Variants in L2HGDH observed in about 807,000 individuals in gnomAD.
L2HGDH encodes L-2-hydroxyglutarate dehydrogenase, also known as L-2-hydroxyglutarate dehydrogenase, mitochondrial.
L2HGDH carries 34 observed loss-of-function variants against 51.5 expected under a neutral mutation model. The ratio of observed to expected loss-of-function variants is 0.66; its 90% CI spans 0.50 to 0.88. The LOEUF is 0.88. Ranked by LOEUF, L2HGDH falls within the 40% of genes least tolerant of loss-of-function variation. The probability of loss-of-function intolerance (pLI) is 0.00; values close to 1 mark genes in which losing one functional copy is unlikely to be tolerated. For missense variants in L2HGDH, 558 were observed against 571.9 expected (o/e 0.98, Z 0.25); for synonymous variants, 198 against 197.9 (o/e 1.00, Z -0.01).
chr14:50,302,733 A>T lies in L2HGDH; in HGVS notation c.256+169T>A, dbSNP rs144115246. ...TATAGACACGTCCTCCTTGTCCCAC[A>T]CTCGGCTTTAACCTCTCAAATAACC... On this transcript the variant is annotated intron_variant, in intron 2 of 9. Coordinates refer to ENST00000267436, the MANE Select transcript of L2HGDH (RefSeq NM_024884.3). Among the ~76,000 whole-genome samples the T allele has an allele frequency of 1.6e-3, 238 of 152,126 alleles. 1 individual carries two copies. Among genetic ancestry groups the T allele is most frequent in the African/African-American group, 5.3e-3 (218 of 41,486 alleles).
chr14:50,274,711 G>A (rs921088109), intron 6 of L2HGDH, among the ~76,000 whole-genome samples: 1 of 152,096 alleles, frequency 6.6e-6, no homozygotes, highest in Non-Finnish European at 1.5e-5. Flanking sequence ...CAAGACATGA[G>A]AACAACGTTA....
intron 1 of L2HGDH, among the ~76,000 whole-genome samples, chr14:50,304,448 A>T (rs2030608796): frequency 6.6e-6 from 1 of 152,132 alleles, no homozygotes; most frequent in Non-Finnish European, 1.5e-5. Flanking sequence ...GAAGTAAACA[A>T]CTCCGAGAAA....
At chr14:50,296,593 T>TAAA (rs113103736) in intron 3 of L2HGDH, among the ~76,000 whole-genome samples, 1,299 of 117,442 alleles carry the variant, frequency 0.011, 11 homozygotes, top group Non-Finnish European at 0.018. Context: ...CTTCCCACAT[T>TAAA]AAAAAAAAAA....
rs1407655711 is a variant in L2HGDH, at chr14:50,312,226, T to G, written c.-76A>C. The G allele has an allele frequency of 1.9e-6, 3 of 1,571,412 alleles. No individual in the cohort carries two copies. In the South Asian group the frequency reaches 3.4e-5, roughly 18 times the overall value. The stretch of plus-strand genomic sequence containing the variant: ...TCCACGGCCGAGGACCCGCGCTCTT[T>G]AGCCCCGCCCCTCACGCGGGGGCCA... On this transcript the variant is annotated 5_prime_UTR_variant, in exon 1 of 10. Transcript: ENST00000267436.
Position 50,312,193 on chromosome 14 carries a change from C to A in L2HGDH, c.-43G>T. On this transcript the variant is annotated 5_prime_UTR_variant, in exon 1 of 10. Coordinates refer to ENST00000267436, the MANE Select transcript of L2HGDH (RefSeq NM_024884.3). ...CTCCCTCAGCGCTCAGAAGAAGCCA[C>A]TTGACCCTCCACGGCCGAGGACCCG... is the stretch of plus-strand genomic sequence containing the variant. 1.2e-6 allele frequency: 2 copies of A among 1,604,640 alleles called. No homozygotes were observed. The highest frequency in any genetic ancestry group is 1.7e-6 in the Non-Finnish European group (2 of 1,178,312).
In L2HGDH at chr14:50,293,289, TG is replaced by T. The variant is rs1183300707; in HGVS notation, c.540+825del. The T allele has an allele frequency of 8.5e-6, 6 of 702,092 alleles. No homozygotes were observed. In the African/African-American group the frequency reaches 8.7e-5, roughly 10 times the overall value. 43.5% of individuals were successfully genotyped at this position (702,092 alleles called of 1,614,324 possible). A position where few individuals can be genotyped will look rare whatever the true frequency, so the allele number is the denominator to read the frequency against. Reference sequence around the variant, plus strand: ...ATGCTGACACAACTGGATATCTGTTTGGGGAAAAAATACACCTTGACCCCTA... The same window carrying T: ...ATGCTGACACAACTGGATATCTGTTTGGGAAAAAATACACCTTGACCCCTA... On this transcript the variant is annotated intron_variant, in intron 4 of 9. Coordinates refer to ENST00000267436, the MANE Select transcript of L2HGDH (RefSeq NM_024884.3).
chr14:50,242,459 G>T lies in L2HGDH; in HGVS notation c.*4599C>A. On this transcript the variant is annotated 3_prime_UTR_variant, in exon 10 of 10. Transcript: ENST00000267436. ...TTAAAATAAGATAACTTTAATGTGA[G>T]ATCCTTCCCATAAGCAGAAAATACA... is the stretch of plus-strand genomic sequence containing the variant. 1.0e-6 allele frequency: 1 copy of T among 982,754 alleles called. No homozygotes were observed. Among genetic ancestry groups the T allele is most frequent in the Non-Finnish European group, 1.2e-6 (1 of 827,508 alleles). 60.9% of individuals were successfully genotyped at this position (982,754 alleles called of 1,614,324 possible).
In L2HGDH at chr14:50,244,427, G is replaced by A. The variant is rs1887916635; in HGVS notation, c.*2631C>T. ...GGACAATCATTTTTTGTAATTCAAT[G>A]TTTACAACTTAGTATGTATGCAATC... On this transcript the variant is annotated 3_prime_UTR_variant, in exon 10 of 10. Transcript: ENST00000267436. The A allele has an allele frequency of 1.0e-6, 1 of 985,036 alleles. No homozygotes were observed. Among genetic ancestry groups the A allele is most frequent in the South Asian group, 4.7e-5 (1 of 21,280 alleles). 61.0% of individuals were successfully genotyped at this position (985,036 alleles called of 1,614,324 possible). A position where few individuals can be genotyped will look rare whatever the true frequency, so the allele number is the denominator to read the frequency against.
rs1273518496 is a variant in L2HGDH, at chr14:50,267,785, A to C, written c.1032T>G (p.Ser344Arg). 4 of 1,612,786 alleles carry C rather than the reference A, an allele frequency of 2.5e-6. No homozygotes were observed. The highest frequency in any genetic ancestry group is 1.7e-5 in the Admixed American group (1 of 60,012). Reference sequence around the variant, plus strand: ...TAATTATATCCATAACATCTGTGGCACTGAAGTCAAAGGGTCTGTAACCCT... The same window carrying C: ...TAATTATATCCATAACATCTGTGGCCCTGAAGTCAAAGGGTCTGTAACCCT... Reference protein sequence around the residue: ...KREGYRPFDFSATDVMDIIIN... With the variant: ...KREGYRPFDFRATDVMDIIIN... The change falls in exon 8 of 10, where the codon AGT (serine) becomes AGG (arginine). Residue 344 changes from serine (S) to arginine (R), a missense_variant. By Grantham distance (110) the Ser-to-Arg change is moderately radical. Around this residue, in one of 3 missense-constraint regions of L2HGDH, gnomAD observed 321 missense variants for 311.8 expected, o/e 1.03. Transcript: ENST00000267436.
At chr14:50,269,432 AT>A in intron 6 of L2HGDH, 102 bp from the exon 7 acceptor site, 2 of 1,170,336 alleles carry the variant, frequency 1.7e-6, no homozygotes, top group Non-Finnish European at 2.5e-6. Flanking sequence ...CAGAAATAGA[AT>A]TTTTTCTAAA....
intron 2 of L2HGDH, among the ~76,000 whole-genome samples, chr14:50,302,565 C>T (rs967567090): frequency 6.6e-6 from 1 of 152,212 alleles, no homozygotes; most frequent in Non-Finnish European, 1.5e-5. Context: ...CTGGGAAATA[C>T]TACATTGCTC....
chr14:50,293,788 C>A (rs567021336), intron 4 of L2HGDH, among the ~76,000 whole-genome samples: 4 of 152,290 alleles, frequency 2.6e-5, no homozygotes, highest in Non-Finnish European at 5.9e-5. Flanking sequence ...GTGGGCCTAA[C>A]CCTGCCTTTT....
In L2HGDH at chr14:50,266,530, C is replaced by T. The variant is rs368685748; in HGVS notation, c.1065-1041G>A. On this transcript the variant is annotated intron_variant, in intron 8 of 9. Coordinates refer to ENST00000267436, the MANE Select transcript of L2HGDH (RefSeq NM_024884.3). Reference sequence around the variant, plus strand: ...TGGTAGCATCTGCCTGTAGTTCCAGCTACTTGGAGGCTGAAGTGGGAGAAC... The same window carrying T: ...TGGTAGCATCTGCCTGTAGTTCCAGTTACTTGGAGGCTGAAGTGGGAGAAC... 3.9e-4 allele frequency among the ~76,000 whole-genome samples: 59 copies of T among 152,254 alleles called. No individual in the cohort carries two copies. In the East Asian group the frequency reaches 8.5e-3, roughly 22 times the overall value.
chr14:50,285,196 G>A (rs959494934), intron 4 of L2HGDH, among the ~76,000 whole-genome samples: 5 of 152,170 alleles, frequency 3.3e-5, no homozygotes, highest in East Asian at 1.9e-4. Flanking sequence ...GCAGTGAGCC[G>A]AGATGATGCC....
chr14:50,311,945 TCCA>T (rs2031233309), intron 1 of L2HGDH, 63 bp downstream of exon 1: 1 of 1,530,954 alleles, frequency 6.5e-7, no homozygotes, highest in Admixed American at 2.0e-5. Context: ...GGGGCACAGG[TCCA>T]CCACCAGGTG....
At chr14:50,256,498 C>T (rs1055306861) in intron 9 of L2HGDH, among the ~76,000 whole-genome samples, 1 of 145,164 alleles carries the variant, frequency 6.9e-6, no homozygotes, top group Admixed American at 7.0e-5. Flanking sequence ...GCCTGGGTGA[C>T]AGGGCGAGAG....
In L2HGDH at chr14:50,245,187, T is replaced by G; in HGVS notation, c.*1871A>C. Reference sequence around the variant, plus strand: ...TCCCTATACAAGTTTATAGGAGCCCTGAAAAATCAAGTACGTATGAATCAT... The same window carrying G: ...TCCCTATACAAGTTTATAGGAGCCCGGAAAAATCAAGTACGTATGAATCAT... On this transcript the variant is annotated 3_prime_UTR_variant, in exon 10 of 10. Transcript: ENST00000267436. The G allele has an allele frequency of 1.0e-6, 1 of 985,462 alleles. No individual in the cohort carries two copies. Among genetic ancestry groups the G allele is most frequent in the Non-Finnish European group, 1.2e-6 (1 of 829,858 alleles). 61.0% of individuals were successfully genotyped at this position (985,462 alleles called of 1,614,324 possible).
rs188867501 is a variant in L2HGDH at position 50,289,982 on chromosome 14, T to C, written c.540+4133A>G. Reference sequence around the variant, plus strand: ...GATAATATGTCAAAACTCCCTTAAGTCGGCCAGGCGCAGTGGCTCACGCCT... The same window carrying C: ...GATAATATGTCAAAACTCCCTTAAGCCGGCCAGGCGCAGTGGCTCACGCCT... On this transcript the variant is annotated intron_variant, in intron 4 of 9. Transcript: ENST00000267436. Among the ~76,000 whole-genome samples, 1,226 of 152,016 alleles carry C rather than the reference T, an allele frequency of 8.1e-3. 6 individuals carry two copies. The highest frequency in any genetic ancestry group is 0.013 in the Non-Finnish European group (850 of 67,926).
At position 50,267,889 on chromosome 14, in the gene L2HGDH, A is replaced by G; in HGVS notation, c.928T>C (p.Phe310Leu). ...IYPVPDSRFP[F>L]LGVHFTPRMD... The stretch of plus-strand genomic sequence containing the variant: ...CTTGGTGTGAAGTGAACTCCTAGGA[A>G]AGGAAACCGGCTATCTGGGACCTAT... Residue 310 changes from phenylalanine to leucine, a missense_variant, in exon 8 of 10, where the codon TTC (phenylalanine) becomes CTC (leucine). Physicochemically the swap from Phe to Leu is conservative, Grantham distance 22. This residue lies in a region of L2HGDH where 321 missense variants were observed against 311.8 expected (regional missense o/e 1.03). Coordinates refer to ENST00000267436, the MANE Select transcript of L2HGDH (RefSeq NM_024884.3). 6.2e-7 allele frequency: 1 copy of G among 1,614,088 alleles called. No homozygotes were observed.
Sources: gnomAD v4.1 joint callset for allele counts (sites outside exome capture counted in the v4.1 genomes callset) on GRCh38, gnomAD v4.1.1 for gene constraint, gnomAD v4.1.1 regional missense constraint, MANE v1.5 for transcripts, NCBI Gene and HGNC (gene_info 2026-07-23, HGNC 2026-07-21) for gene names.